Variants in ZFAND6 observed in about 807,000 individuals in gnomAD.
ZFAND6 encodes AN1-type zinc finger protein 6.
A neutral mutation model predicts 24.5 loss-of-function variants in ZFAND6; 12 were observed. The observed-to-expected ratio is 0.49, with a 90% CI of 0.31 to 0.79. The LOEUF (loss-of-function observed/expected upper bound fraction) is 0.79, where lower values mean the gene tolerates loss of function less well. Ranked by LOEUF, ZFAND6 falls within the 30% of genes least tolerant of loss-of-function variation. The probability of loss-of-function intolerance (pLI) is 0.04; values close to 1 mark genes in which losing one functional copy is unlikely to be tolerated. For missense variants in ZFAND6, 207 were observed against 245.9 expected, an observed-to-expected ratio of 0.84 and a Z score of 1.06; for synonymous variants, 92 against 81.5, an observed-to-expected ratio of 1.13 and a Z score of -0.69.
At chr15:80,105,702 A>G (rs192792657) in intron 2 of ZFAND6, among the ~76,000 whole-genome samples, 2 of 152,336 alleles carry the variant, frequency 1.3e-5, no homozygotes, top group Non-Finnish European at 2.9e-5. Flanking sequence ...AAGATGAGTC[A>G]GTTCTTTTTT....
chr15:80,103,356 T>G (rs1281747758), intron 2 of ZFAND6, among the ~76,000 whole-genome samples: 1 of 152,188 alleles, frequency 6.6e-6, no homozygotes, highest in African/African-American at 2.4e-5. Flanking sequence ...ATTGTGTAGT[T>G]TCCTTACCTG....
chr15:80,097,350 A>T (rs988746655), intron 1 of ZFAND6, among the ~76,000 whole-genome samples: 5 of 152,100 alleles, frequency 3.3e-5, no homozygotes, highest in South Asian at 2.1e-4. Context: ...AAATTTTTTT[A>T]AAAATTAAAT....
At chr15:80,118,043 T>C (rs1399988065) in intron 2 of ZFAND6, among the ~76,000 whole-genome samples, 1 of 152,144 alleles carries the variant, frequency 6.6e-6, no homozygotes, top group Non-Finnish European at 1.5e-5. Context: ...TGTATATGTA[T>C]GTATATACAT....
intron 2 of ZFAND6, among the ~76,000 whole-genome samples, chr15:80,117,822 CT>C (rs1369048087): frequency 6.8e-6 from 1 of 146,932 alleles, no homozygotes; most frequent in Non-Finnish European, 1.5e-5. Context: ...GATTTGGCCC[CT>C]TGATAAGGCT....
intron 2 of ZFAND6, among the ~76,000 whole-genome samples, chr15:80,108,705 G>C (rs1020789627): frequency 4.6e-5 from 7 of 151,738 alleles, no homozygotes; most frequent in African/African-American, 1.7e-4. Context: ...CAAAAGCTTG[G>C]AGCATGAGGC....
At chr15:80,086,522 A>G (rs898779372) in intron 1 of ZFAND6, among the ~76,000 whole-genome samples, 2 of 152,210 alleles carry the variant, frequency 1.3e-5, no homozygotes, top group East Asian at 1.9e-4. Flanking sequence ...CCTACCACCC[A>G]TTATGGGTAA....
chr15:80,070,686 T>C (rs2036927044), intron 1 of ZFAND6, among the ~76,000 whole-genome samples: 1 of 152,214 alleles, frequency 6.6e-6, no homozygotes, highest in African/African-American at 2.4e-5. Context: ...TTCGTATTTG[T>C]TTCATAATTA....
intron 5 of ZFAND6, among the ~76,000 whole-genome samples, chr15:80,128,477 A>G (rs1342862063): frequency 6.6e-6 from 1 of 152,236 alleles, no homozygotes; most frequent in Non-Finnish European, 1.5e-5. Context: ...TGTTGAAACT[A>G]AAGCTAGAAA....
At chr15:80,117,468 T>C (rs576921257) in intron 2 of ZFAND6, among the ~76,000 whole-genome samples, 1 of 152,310 alleles carries the variant, frequency 6.6e-6, no homozygotes, top group African/African-American at 2.4e-5. Flanking sequence ...GTGATCCTCC[T>C]GACTTGGCCT....
In ZFAND6 at chr15:80,121,752, A is replaced by G. The variant is rs56296028; in HGVS notation, c.195A>G (p.Gln65=). The change falls in exon 4 of 7, where the codon CAA becomes CAG. Residue 65 remains glutamine (Q), a synonymous_variant. Transcript: ENST00000261749. The part of the protein sequence containing the change: ...VSSLSESLPV[Q]CTDGSVPEAQ... ...GTCTGTCTGAATCTTTACCAGTTCA[A>G]TGCACAGATGGCAGTGTGCCAGAAG... is the stretch of plus-strand genomic sequence containing the variant. 7.6e-3 allele frequency: 12,216 copies of G among 1,613,858 alleles called. 52 individuals are homozygous for G. Among genetic ancestry groups the G allele is most frequent in the Non-Finnish European group, 9.5e-3 (11,182 of 1,179,832 alleles).
chr15:80,122,418 G>A (rs2040188150), intron 4 of ZFAND6, among the ~76,000 whole-genome samples: 1 of 151,798 alleles, frequency 6.6e-6, no homozygotes, highest in Non-Finnish European at 1.5e-5. Context: ...GGTTCTTTAA[G>A]CATGTCTTTA....
intron 1 of ZFAND6, among the ~76,000 whole-genome samples, chr15:80,066,029 T>G (rs2036611520): frequency 6.6e-6 from 1 of 152,184 alleles, no homozygotes; most frequent in African/African-American, 2.4e-5. Context: ...TTTTATTTTT[T>G]CAACAAGTAT....
intron 1 of ZFAND6, among the ~76,000 whole-genome samples, chr15:80,093,595 C>T (rs2038524535): frequency 6.6e-6 from 1 of 152,090 alleles, no homozygotes; most frequent in African/African-American, 2.4e-5. Context: ...CATGGTGGCG[C>T]ATGCCTGTAA....
intron 2 of ZFAND6, among the ~76,000 whole-genome samples, chr15:80,105,603 A>G (rs1383559000): frequency 6.6e-6 from 1 of 152,258 alleles, no homozygotes; most frequent in Non-Finnish European, 1.5e-5. Flanking sequence ...TCTATGAGTT[A>G]GAAAGGACAG....
At chr15:80,069,947 A>G (rs1281144209) in intron 1 of ZFAND6, among the ~76,000 whole-genome samples, 1 of 152,048 alleles carries the variant, frequency 6.6e-6, no homozygotes, top group Non-Finnish European at 1.5e-5. Context: ...GGTGTTTTTC[A>G]GAGTTTATCC....
chr15:80,064,091 G>T (rs540664908), intron 1 of ZFAND6, among the ~76,000 whole-genome samples: 1 of 152,306 alleles, frequency 6.6e-6, no homozygotes, highest in Admixed American at 6.5e-5. Context: ...TATCTGTTGG[G>T]TGTAACTTAA....
chr15:80,133,434 AT>A (rs1056240013), intron 6 of ZFAND6, among the ~76,000 whole-genome samples: 1 of 152,020 alleles, frequency 6.6e-6, no homozygotes, highest in African/African-American at 2.4e-5. Context: ...ACCTCAGGTG[AT>A]CCACCCACCT....
intron 5 of ZFAND6, 31 bp downstream of exon 5, chr15:80,122,831 A>G (rs770856908): frequency 2.6e-6 from 4 of 1,567,706 alleles, no homozygotes; most frequent in African/African-American, 2.7e-5. Flanking sequence ...GTATTTTGTT[A>G]TTTGAGTATT....
In ZFAND6 at chr15:80,122,740, T is replaced by G. The variant is rs147509612; in HGVS notation, c.304T>G (p.Ser102Ala). The change falls in exon 5 of 7, where the codon TCT becomes GCT. Residue 102 changes from serine (S) to alanine (A), a missense_variant. This residue lies in a region of ZFAND6 where 133 missense variants were observed against 122.8 expected (regional missense o/e 1.08). Coordinates refer to ENST00000261749, the MANE Select transcript of ZFAND6 (RefSeq NM_019006.4). ...GTCACTTTTATCAGAATCTGTAGCATCTTCTCAATTGGACAGTACATCTGT... is the reference window on the plus strand; with the variant it reads ...GTCACTTTTATCAGAATCTGTAGCAGCTTCTCAATTGGACAGTACATCTGT... ...NQSLLSESVA[S>A]SQLDSTSVDK... 4.3e-4 allele frequency: 699 copies of G among 1,613,744 alleles called. 3 individuals carry two copies. The African/African-American group carries it at 7.9e-3, about 18-fold the overall frequency.
Sources: gnomAD v4.1 joint callset for allele counts (sites outside exome capture counted in the v4.1 genomes callset) on GRCh38, gnomAD v4.1.1 for gene constraint, gnomAD v4.1.1 regional missense constraint, MANE v1.5 for transcripts, NCBI Gene and HGNC (gene_info 2026-07-23, HGNC 2026-07-21) for gene names.